Variants in SPINK5 observed in about 807,000 individuals in gnomAD.
SPINK5 encodes the protein serine peptidase inhibitor Kazal type 5, also known as serine protease inhibitor Kazal-type 5.
SPINK5 carries 125 observed loss-of-function variants against 151.8 expected under a neutral mutation model. The observed-to-expected ratio is 0.82, with a 90% CI of 0.71 to 0.96. The LOEUF is 0.96. Among genes scored for constraint, SPINK5 ranks in the 40% least tolerant of loss-of-function variants. SPINK5 has a pLI of 0.00. For synonymous variants in SPINK5, 374 were observed against 395.3 expected (o/e 0.95, Z 0.64); for missense variants, 1,194 against 1,291.9 (o/e 0.92, Z 1.16).
chr5:148,099,807 C>T lies in SPINK5; in HGVS notation c.1092+492C>T, dbSNP rs946786562. ...ATTTTCACTCTGGATTTTATCCTTT[C>T]CCTTGCCCAACCAGTCTCCCTAACA... is the stretch of plus-strand genomic sequence containing the variant. On this transcript the variant is annotated intron_variant, in intron 12 of 32. Coordinates refer to ENST00000256084, the MANE Select transcript of SPINK5 (RefSeq NM_006846.4). Among the ~76,000 whole-genome samples, 3 of 152,040 alleles carry T rather than the reference C, an allele frequency of 2.0e-5. No individual in the cohort carries two copies. In the South Asian group the frequency reaches 6.2e-4, roughly 32 times the overall value.
At chr5:148,083,417 A>G (rs1166446094) in intron 4 of SPINK5, among the ~76,000 whole-genome samples, 3 of 151,110 alleles carry the variant, frequency 2.0e-5, no homozygotes, top group Non-Finnish European at 4.4e-5. Context: ...ATTTATTGTT[A>G]TTTCTGTTAT....
intron 32 of SPINK5, among the ~76,000 whole-genome samples, chr5:148,134,777 AT>A (rs1754656379): frequency 6.6e-6 from 1 of 152,088 alleles, no homozygotes; most frequent in Non-Finnish European, 1.5e-5. Context: ...GTAATAAACA[AT>A]ATTTTAATGC....
intron 18 of SPINK5, 130 bp downstream of exon 18, chr5:148,108,967 C>T: frequency 6.7e-7 from 1 of 1,489,880 alleles, no homozygotes; most frequent in Admixed American, 1.8e-5. Context: ...TGTTTGGATC[C>T]CCATATACAA....
At position 148,137,193 on chromosome 5, in the gene SPINK5, A is replaced by C; in HGVS notation, c.*202A>C. 1.5e-6 allele frequency: 1 copy of C among 667,176 alleles called. No homozygotes were observed. Among genetic ancestry groups the C allele is most frequent in the Non-Finnish European group, 2.6e-6 (1 of 386,634 alleles). 41.3% of individuals were successfully genotyped at this position (667,176 alleles called of 1,614,324 possible). A position where few individuals can be genotyped will look rare whatever the true frequency, so the allele number is the denominator to read the frequency against. ...TAGACTCTGTGATCTGAGGGTATAA[A>C]GACATCTCCACCAAGTCTGAGCCCT... On this transcript the variant is annotated 3_prime_UTR_variant, in exon 33 of 33. Coordinates refer to ENST00000256084, the MANE Select transcript of SPINK5 (RefSeq NM_006846.4).
At position 148,122,884 on chromosome 5, in the gene SPINK5, T is replaced by TC. The variant is rs1361564494; in HGVS notation, c.2539-949_2539-948insC. 1.9e-3 allele frequency among the ~76,000 whole-genome samples: 207 copies of TC among 106,692 alleles called. 2 individuals are homozygous for TC. The highest frequency in any genetic ancestry group is 6.1e-3 in the African/African-American group (202 of 33,304). 70.0% of individuals were successfully genotyped at this position (106,692 alleles called of 152,430 possible). A position where few individuals can be genotyped will look rare whatever the true frequency, so the allele number is the denominator to read the frequency against. On this transcript the variant is annotated intron_variant, in intron 26 of 32. Coordinates refer to ENST00000256084, the MANE Select transcript of SPINK5 (RefSeq NM_006846.4). The stretch of plus-strand genomic sequence containing the variant: ...CACAATAATTTTTTTTTTTTTTTTT[T>TC]TGGTAAATTGTGGTTGAGAAATGAA...
At chr5:148,087,829 G>A (rs1054564909) in intron 5 of SPINK5, among the ~76,000 whole-genome samples, 43 of 151,736 alleles carry the variant, frequency 2.8e-4, no homozygotes, top group African/African-American at 1.0e-3. Context: ...CTAGCTGCTA[G>A]GAGGCTCTAC....
At chr5:148,118,911 C>A in intron 23 of SPINK5, 75 bp from the exon 24 acceptor site, 1 of 1,455,002 alleles carries the variant, frequency 6.9e-7, no homozygotes, top group Non-Finnish European at 9.6e-7. Context: ...TTGTCATTTG[C>A]ACGGGACACA....
chr5:148,136,326 T>A (rs73271184), intron 32 of SPINK5, among the ~76,000 whole-genome samples: 2,156 of 152,242 alleles, frequency 0.014, 55 homozygotes, highest in African/African-American at 0.049. Context: ...AGCTTGCTAC[T>A]TTCAAACCAA....
In SPINK5 at chr5:148,131,305, A is replaced by G. The variant is rs1004978122; in HGVS notation, c.3011A>G (p.Tyr1004Cys). Reference sequence around the variant, plus strand: ...TACCGAGTATTGCCCAGGATAGGTTATCTTTGTCCAAAGGATTTAAAGCCT... The same window carrying G: ...TACCGAGTATTGCCCAGGATAGGTTGTCTTTGTCCAAAGGATTTAAAGCCT... The part of the protein sequence containing the change: ...KDYRVLPRIG[Y>C]LCPKDLKPVC... The change falls in exon 31 of 33, where the codon TAT (tyrosine) becomes TGT (cysteine). Residue 1004 changes from tyrosine (Y) to cysteine (C), a missense_variant. By Grantham distance (194) the Tyr-to-Cys change is radical. Transcript: ENST00000256084. The G allele has an allele frequency of 3.1e-6, 5 of 1,613,862 alleles. No homozygotes were observed. The African/African-American group carries it at 5.3e-5, about 17-fold the overall frequency.
In SPINK5 at chr5:148,113,904, C is replaced by A. The variant is rs144692534; in HGVS notation, c.1888-458C>A. 5.7e-3 allele frequency among the ~76,000 whole-genome samples: 869 copies of A among 152,294 alleles called. 9 individuals carry two copies. The highest frequency in any genetic ancestry group is 0.02 in the African/African-American group (823 of 41,566). ...TGCTAAATATAACTAGTTAGGGGAT[C>A]TGGCAATGAACCTTTAAGCAGAGCT... On this transcript the variant is annotated intron_variant, in intron 20 of 32. Transcript: ENST00000256084.
intron 6 of SPINK5, 139 bp downstream of exon 6, chr5:148,088,744 T>A: frequency 1.2e-6 from 1 of 807,360 alleles, no homozygotes. Flanking sequence ...TACCCAGTAC[T>A]GCCCACTAAT....
intron 26 of SPINK5, among the ~76,000 whole-genome samples, chr5:148,122,937 T>C (rs1423196354): frequency 2.6e-5 from 4 of 151,450 alleles, no homozygotes; most frequent in East Asian, 1.9e-4. Context: ...TTTTATGTTT[T>C]GCCAGAAGAG....
chr5:148,123,521 G>GTGTGTGTATATATATA (rs1328976077), intron 26 of SPINK5, among the ~76,000 whole-genome samples: 3 of 25,016 alleles, frequency 1.2e-4, no homozygotes, highest in African/African-American at 2.4e-4. Context: ...CAATATATGT[G>GTGTGTGTATATATATA]TATATATATA....
rs759401817 is a variant in SPINK5, at chr5:148,111,831, G to A, written c.1756G>A (p.Asp586Asn). 6.2e-7 allele frequency: 1 copy of A among 1,614,052 alleles called. No homozygotes were observed. Among genetic ancestry groups the A allele is most frequent in the Non-Finnish European group, 8.5e-7 (1 of 1,179,952 alleles). Residue 586 changes from aspartate to asparagine, a missense_variant, in exon 19 of 33, where the codon GAT (aspartate) becomes AAT (asparagine). By Grantham distance (23) the Asp-to-Asn change is conservative. Transcript: ENST00000256084. ...ACGACTCCCCTGTACCAGAGAGAAT[G>A]ATCCTATTGAGGGTCTAGATGGGAA... ...NGRLPCTREN[D>N]PIEGLDGKIH...
chr5:148,083,436 T>G (rs1463900677), intron 4 of SPINK5, among the ~76,000 whole-genome samples: 1 of 151,480 alleles, frequency 6.6e-6, no homozygotes, highest in African/African-American at 2.4e-5. Flanking sequence ...ATAGTGAGAC[T>G]TGGTTCTTTC....
intron 22 of SPINK5, among the ~76,000 whole-genome samples, chr5:148,117,960 A>G (rs1400736114): frequency 6.6e-6 from 1 of 152,038 alleles, no homozygotes; most frequent in Non-Finnish European, 1.5e-5. Flanking sequence ...TAATTACAAC[A>G]TGGGTGATTC....
intron 10 of SPINK5, among the ~76,000 whole-genome samples, chr5:148,096,739 TTTC>T (rs1275849659): frequency 4.9e-4 from 71 of 143,756 alleles, no homozygotes; most frequent in African/African-American, 1.9e-3. Context: ...TCTTTTTCTT[TTTC>T]TTTTCTTTTC....
intron 20 of SPINK5, 86 bp downstream of exon 20, chr5:148,113,020 C>T: frequency 6.4e-7 from 1 of 1,573,466 alleles, no homozygotes; most frequent in Non-Finnish European, 8.6e-7. Flanking sequence ...TACTGAAACC[C>T]CAGTTGTGAG....
chr5:148,111,702 T>G, intron 18 of SPINK5, 66 bp from the exon 19 acceptor site: 1 of 1,610,986 alleles, frequency 6.2e-7, no homozygotes, highest in Non-Finnish European at 8.5e-7. Flanking sequence ...AAAGCAGTAT[T>G]GTGGAGGAAG....
Sources: allele counts gnomAD v4.1 joint callset (sites outside exome capture counted in the v4.1 genomes callset), GRCh38; gene constraint gnomAD v4.1.1; transcripts MANE v1.5; gene names NCBI Gene and HGNC (gene_info 2026-07-23, HGNC 2026-07-21).